TSHZ2: variants seen among roughly 807,000 people sequenced by gnomAD.
TSHZ2 encodes teashirt zinc finger homeobox 2.
Under a neutral mutation model 74.4 loss-of-function variants are expected in TSHZ2, and 21 were observed. The ratio of observed to expected loss-of-function variants is 0.28; its 90% CI spans 0.20 to 0.41. The LOEUF is 0.41. Among genes scored for constraint, TSHZ2 ranks in the 10% least tolerant of loss-of-function variants. The pLI is 1.00. For missense variants in TSHZ2, 1,244 were observed against 1,293.5 expected (o/e 0.96, Z 0.59); for synonymous variants, 540 against 515.3 (o/e 1.05, Z -0.65).
At chr20:53,350,038 C>G (rs1980590146) in intron 2 of TSHZ2, among the ~76,000 whole-genome samples, 2 of 152,194 alleles carry the variant, frequency 1.3e-5, no homozygotes, top group Admixed American at 1.3e-4. Context: ...CCATCATATC[C>G]TACTAATGAC....
intron 1 of TSHZ2, among the ~76,000 whole-genome samples, chr20:52,980,756 T>G (rs951923786): frequency 1.3e-5 from 2 of 152,184 alleles, no homozygotes; most frequent in African/African-American, 4.8e-5. Flanking sequence ...CATGAAACCT[T>G]GTGACATGGG....
chr20:53,322,711 C>T (rs1006212617), intron 2 of TSHZ2, among the ~76,000 whole-genome samples: 10 of 152,220 alleles, frequency 6.6e-5, no homozygotes, highest in African/African-American at 2.4e-5. Flanking sequence ...GATGCAAATG[C>T]AGGGAGCTGG....
At chr20:53,327,863 G>C (rs1212119542) in intron 2 of TSHZ2, among the ~76,000 whole-genome samples, 2 of 152,248 alleles carry the variant, frequency 1.3e-5, no homozygotes, top group Non-Finnish European at 2.9e-5. Flanking sequence ...TGACCAATGT[G>C]AGACCTGTGC....
At position 53,068,720 on chromosome 20, in the gene TSHZ2, A is replaced by G. The variant is rs543351286; in HGVS notation, c.40+95387A>G. On this transcript the variant is annotated intron_variant, in intron 1 of 2. Transcript: ENST00000371497. ...ATAAGTATAAGATTTCATAAATGCT[A>G]AATTAGATTACAGTATGGTTGGTTA... 2.0e-5 allele frequency among the ~76,000 whole-genome samples: 3 copies of G among 152,338 alleles called. 1 individual carries two copies. In the South Asian group the frequency reaches 6.2e-4, roughly 32 times the overall value.
At chr20:53,111,148 T>C (rs540846917) in intron 1 of TSHZ2, among the ~76,000 whole-genome samples, 1 of 152,300 alleles carries the variant, frequency 6.6e-6, no homozygotes, top group South Asian at 2.1e-4. Context: ...GATAATTTGA[T>C]ATAAAAGGAA....
chr20:53,280,636 C>T (rs748689349), intron 2 of TSHZ2, among the ~76,000 whole-genome samples: 3 of 146,156 alleles, frequency 2.1e-5, no homozygotes, highest in Non-Finnish European at 3.0e-5. Context: ...GTCAACAAGT[C>T]GTTTTTTTGT....
chr20:53,220,440 T>C (rs1222989304), intron 1 of TSHZ2, among the ~76,000 whole-genome samples: 1 of 152,248 alleles, frequency 6.6e-6, no homozygotes, highest in African/African-American at 2.4e-5. Flanking sequence ...ACAGGGTTAC[T>C]GATTAAGGGC....
At chr20:53,022,214 C>T (rs376233137) in intron 1 of TSHZ2, among the ~76,000 whole-genome samples, 11 of 152,336 alleles carry the variant, frequency 7.2e-5, no homozygotes, top group African/African-American at 2.6e-4. Context: ...GAAAGAAAAA[C>T]TATTTCCTAG....
intron 2 of TSHZ2, among the ~76,000 whole-genome samples, chr20:53,467,809 A>G (rs1339617277): frequency 6.6e-6 from 1 of 152,198 alleles, no homozygotes; most frequent in African/African-American, 2.4e-5. Flanking sequence ...GAATGCAAAC[A>G]TGATCCATCC....
chr20:53,008,767 C>T (rs935965815), intron 1 of TSHZ2, among the ~76,000 whole-genome samples: 1 of 151,860 alleles, frequency 6.6e-6, no homozygotes, highest in Non-Finnish European at 1.5e-5. Context: ...TAGTGTATAC[C>T]CTTATTCATG....
intron 1 of TSHZ2, among the ~76,000 whole-genome samples, chr20:53,055,647 T>A (rs1186674190): frequency 6.6e-6 from 1 of 152,200 alleles, no homozygotes; most frequent in African/African-American, 2.4e-5. Context: ...TTTTTTCAGT[T>A]GATATTTCCA....
chr20:53,213,939 C>A (rs149521558), intron 1 of TSHZ2, among the ~76,000 whole-genome samples: 3 of 152,050 alleles, frequency 2.0e-5, no homozygotes, highest in Non-Finnish European at 4.4e-5. Flanking sequence ...TTCCTGAGTG[C>A]CTCTTCAATA....
intron 2 of TSHZ2, among the ~76,000 whole-genome samples, chr20:53,310,850 T>G (rs1288468135): frequency 5.9e-5 from 9 of 152,278 alleles, no homozygotes; most frequent in African/African-American, 2.2e-4. Context: ...CCTTGCCGTA[T>G]TCTATTGGTT....
intron 1 of TSHZ2, among the ~76,000 whole-genome samples, chr20:53,250,006 G>A (rs749521432): frequency 4.6e-5 from 7 of 152,184 alleles, no homozygotes; most frequent in Non-Finnish European, 1.0e-4. Flanking sequence ...GGAGAAAAAT[G>A]GTCTCTTGAG....
rs573895838 is a variant in TSHZ2, at chr20:53,310,737, A to C, written c.*8+54166A>C. Among the ~76,000 whole-genome samples the C allele has an allele frequency of 2.6e-5, 4 of 152,318 alleles. No individual in the cohort carries two copies. The South Asian group carries it at 8.3e-4, about 32-fold the overall frequency. On this transcript the variant is annotated intron_variant, in intron 2 of 2. Coordinates refer to ENST00000371497, the MANE Select transcript of TSHZ2 (RefSeq NM_173485.6). ...GACCTCCACCATGTGGGATTCCCCA[A>C]CATGACCATTTACCTCATCAAAGCC...
intron 1 of TSHZ2, among the ~76,000 whole-genome samples, chr20:53,134,677 G>A (rs1987196573): frequency 6.6e-6 from 1 of 152,166 alleles, no homozygotes; most frequent in African/African-American, 2.4e-5. Flanking sequence ...TAGCTACACG[G>A]ACAACTCGGT....
intron 1 of TSHZ2, among the ~76,000 whole-genome samples, chr20:53,177,480 C>T (rs1988371133): frequency 6.6e-6 from 1 of 152,170 alleles, no homozygotes; most frequent in Admixed American, 6.5e-5. Flanking sequence ...CACTGGTGCA[C>T]ATACGGCTGG....
intron 2 of TSHZ2, among the ~76,000 whole-genome samples, chr20:53,471,215 A>G (rs553731801): frequency 1.1e-4 from 17 of 151,254 alleles, no homozygotes; most frequent in African/African-American, 4.1e-4. Flanking sequence ...AGGTACATCT[A>G]TTTTTTTTTC....
At chr20:53,363,158 C>G (rs1981129497) in intron 2 of TSHZ2, among the ~76,000 whole-genome samples, 1 of 152,260 alleles carries the variant, frequency 6.6e-6, no homozygotes, top group Non-Finnish European at 1.5e-5. Flanking sequence ...GAATGAGCCT[C>G]TGCTGCCCAT....
Sources: allele counts gnomAD v4.1 joint callset (sites outside exome capture counted in the v4.1 genomes callset), GRCh38; gene constraint gnomAD v4.1.1; transcripts MANE v1.5; gene names NCBI Gene and HGNC (gene_info 2026-07-23, HGNC 2026-07-21).